The following COPS9 variants were observed in gnomAD, a reference collection of about 807,000 sequenced individuals.
The protein encoded by COPS9 is COP9 signalosome subunit 9.
In COPS9, 8 loss-of-function variants were observed where a neutral mutation model predicts 7.2. That is an observed-to-expected ratio of 1.11 (90% CI 0.65 to 2.00). The LOEUF (loss-of-function observed/expected upper bound fraction) is 2.00. Among genes scored for constraint, COPS9 ranks in the 30% most tolerant of loss-of-function variants. The pLI is 0.00. For missense variants in COPS9, 74 were observed against 77.7 expected (o/e 0.95, Z 0.18); for synonymous variants, 39 against 28.7 (o/e 1.36, Z -1.14).
downstream of COPS9, among the ~76,000 whole-genome samples, chr2:240,128,356 CCTT>C (rs1288933788): frequency 2.0e-5 from 3 of 152,184 alleles, no homozygotes; most frequent in Admixed American, 2.0e-4. Context: ...GGCCAGCTGT[CCTT>C]CTGTGAGCCT....
chr2:240,135,182 ACATTCCCTTCC>A (rs2071962987), intron 1 of COPS9, among the ~76,000 whole-genome samples: 1 of 151,940 alleles, frequency 6.6e-6, no homozygotes, highest in Non-Finnish European at 1.5e-5. Flanking sequence ...AAACGACACA[ACATTCCCTTCC>A]CTTGGTGAGC....
At chr2:240,135,127 A>T (rs2151712279) in intron 1 of COPS9, among the ~76,000 whole-genome samples, 1 of 151,906 alleles carries the variant, frequency 6.6e-6, no homozygotes, top group Middle Eastern at 3.4e-3. Context: ...GAGAGTCCCT[A>T]CCCACTGTCT....
intron 1 of COPS9, 92 bp from the exon 2 acceptor site, chr2:240,134,097 G>A (rs2071949524): frequency 8.7e-7 from 1 of 1,147,490 alleles, no homozygotes; most frequent in East Asian, 2.7e-5. Flanking sequence ...CACAAAAAAA[G>A]AAGATGGGTG....
At position 240,133,815 on chromosome 2, in the gene COPS9, C is replaced by T. The variant is rs929619049; in HGVS notation, c.136+118G>A. On this transcript the variant is annotated intron_variant, in intron 2 of 2. Transcript: ENST00000607357. ...AGGCTGCACTGCATTCTGAGAGGAGCGCAGGGGCTCTACCACCTTATGATC... is the reference window on the plus strand; with the variant it reads ...AGGCTGCACTGCATTCTGAGAGGAGTGCAGGGGCTCTACCACCTTATGATC... 9.5e-5 allele frequency: 93 copies of T among 976,918 alleles called. 3 individuals are homozygous for T. The Admixed American group carries it at 1.4e-3, about 15-fold the overall frequency. 60.5% of individuals were successfully genotyped at this position (976,918 alleles called of 1,614,324 possible). A position where few individuals can be genotyped will look rare whatever the true frequency, so the allele number is the denominator to read the frequency against.
chr2:240,130,162 C>T (rs1478923412), downstream of COPS9: 6 of 669,452 alleles, frequency 9.0e-6, no homozygotes, highest in Admixed American at 2.8e-5. Flanking sequence ...ACAAATGTCT[C>T]TTCTGTAAAC....
At chr2:240,135,957 G>A in intron 1 of COPS9, 1 of 507,782 alleles carries the variant, frequency 2.0e-6, no homozygotes, top group Non-Finnish European at 3.3e-6. Flanking sequence ...GGCCGTGGGG[G>A]CACCCAGCAG....
chr2:240,136,011 G>C, intron 1 of COPS9: 1 of 774,614 alleles, frequency 1.3e-6, no homozygotes, highest in Non-Finnish European at 1.9e-6. Context: ...CCGGGCTAGG[G>C]CACACGCTTC....
chr2:240,136,174 C>A, intron 1 of COPS9, 48 bp downstream of exon 1: 1 of 1,469,904 alleles, frequency 6.8e-7, no homozygotes, highest in Non-Finnish European at 9.0e-7. Flanking sequence ...CTTCCGCTCC[C>A]CCTTCCCCGC....
Position 240,132,717 on chromosome 2 carries a change from T to A in COPS9, c.136+1216A>T, listed in dbSNP as rs560007897. ...AGATCATCAAAATGCAAGCGTGTGG[T>A]GCCAGCATTAGCAACTGCCCAATCC... On this transcript the variant is annotated intron_variant, in intron 2 of 2. Transcript: ENST00000607357. This position sits in a 1 kb window ranked among gnomAD's most constrained non-coding sequence, Gnocchi z 4.1. Among the ~76,000 whole-genome samples the A allele has an allele frequency of 2.0e-5, 3 of 152,306 alleles. No homozygotes were observed. Among genetic ancestry groups the A allele is most frequent in the Non-Finnish European group, 4.4e-5 (3 of 68,028 alleles).
intron 2 of COPS9, among the ~76,000 whole-genome samples, chr2:240,133,526 CA>C (rs1428724887): frequency 6.6e-6 from 1 of 152,198 alleles, no homozygotes; most frequent in Non-Finnish European, 1.5e-5. Flanking sequence ...CCCAGGCAGG[CA>C]AACACAGGTG....
chr2:240,135,682 A>T (rs2071969630), intron 1 of COPS9, among the ~76,000 whole-genome samples: 1 of 152,240 alleles, frequency 6.6e-6, no homozygotes, highest in African/African-American at 2.4e-5. Context: ...CGCAAAGCAC[A>T]TAAATGCCAG....
At chr2:240,126,880 G>A (rs758282493), downstream of COPS9, 1 of 1,614,124 alleles carries the variant, frequency 6.2e-7, no homozygotes, top group South Asian at 1.1e-5. Flanking sequence ...CCCTGCCCAT[G>A]GCCTGTGCTC....
intron 1 of COPS9, among the ~76,000 whole-genome samples, chr2:240,135,483 C>G (rs1053412887): frequency 2.0e-5 from 3 of 152,154 alleles, no homozygotes; most frequent in Non-Finnish European, 4.4e-5. Flanking sequence ...TGAGAAAGAG[C>G]ACATAAGGCC....
At position 240,130,989 on chromosome 2, in the gene COPS9, G is replaced by A. The variant is rs756462534; in HGVS notation, c.*62C>T. The A allele has an allele frequency of 1.8e-5, 28 of 1,596,396 alleles. No individual in the cohort carries two copies. The highest frequency in any genetic ancestry group is 3.4e-6 in the Non-Finnish European group (4 of 1,172,630). On this transcript the variant is annotated 3_prime_UTR_variant, in exon 3 of 3. Coordinates refer to ENST00000607357, the MANE Select transcript of COPS9 (RefSeq NM_001163424.2). ...CTTTAAAACCACCTGAAACTGTCCT[G>A]CGCAGGCTCACACTGCGGCTCTGTA... is the stretch of plus-strand genomic sequence containing the variant.
intron 1 of COPS9, chr2:240,134,241 C>T: frequency 2.0e-6 from 1 of 506,380 alleles, no homozygotes; most frequent in Non-Finnish European, 3.5e-6. Context: ...TTCCTGTCTG[C>T]CTTTAAAAAA....
rs759140163 is a variant in COPS9, at chr2:240,131,071, C to A, written c.154G>T (p.Asp52Tyr). 2 of 1,612,944 alleles carry A rather than the reference C, an allele frequency of 1.2e-6. No individual in the cohort carries two copies. The highest frequency in any genetic ancestry group is 3.3e-5 in the Admixed American group (2 of 59,956). Residue 52 changes from aspartate to tyrosine, a missense_variant, in exon 3 of 3, where the codon GAT becomes TAT. By Grantham distance (160) the Asp-to-Tyr change is radical. Coordinates refer to ENST00000607357, the MANE Select transcript of COPS9 (RefSeq NM_001163424.2). ...GCATCTCACTGGATGTCATCATCAT[C>A]AAAAAGATCTTCAAAATCTAGGGAA... is the stretch of plus-strand genomic sequence containing the variant. ...DFFNDFEDLF[D>Y]DDDIQ
At position 240,132,535 on chromosome 2, in the gene COPS9, G is replaced by A. The variant is rs943469988; in HGVS notation, c.136+1398C>T. On this transcript the variant is annotated intron_variant, in intron 2 of 2. Coordinates refer to ENST00000607357, the MANE Select transcript of COPS9 (RefSeq NM_001163424.2). This position sits in a 1 kb window ranked among gnomAD's most constrained non-coding sequence, Gnocchi z 4.1. The stretch of plus-strand genomic sequence containing the variant: ...ACGCGCCCACAATGCTCAGGTTGCT[G>A]GGCGCTCACCTGACGGGTAGGACCT... Among the ~76,000 whole-genome samples the A allele has an allele frequency of 1.3e-5, 2 of 152,290 alleles. No homozygotes were observed. The highest frequency in any genetic ancestry group is 4.8e-5 in the African/African-American group (2 of 41,576).
chr2:240,130,094 G>A, downstream of COPS9: 1 of 1,282,620 alleles, frequency 7.8e-7, no homozygotes, highest in South Asian at 1.3e-5. Context: ...CACCACTCAT[G>A]AGAAAAAGAG....
chr2:240,126,926 G>A (rs147711425), downstream of COPS9: 254 of 1,613,030 alleles, frequency 1.6e-4, 1 homozygote, highest in African/African-American at 7.5e-4. Flanking sequence ...CTTCTCTCCC[G>A]TTCAGTTCAC....
Sources: allele counts gnomAD v4.1 joint callset (sites outside exome capture counted in the v4.1 genomes callset), GRCh38; gene constraint gnomAD v4.1.1; non-coding constraint Gnocchi (gnomAD v3.1); transcripts MANE v1.5; gene names NCBI Gene and HGNC (gene_info 2026-07-23, HGNC 2026-07-21).